The following C1orf21 variants were observed in gnomAD, a reference collection of about 807,000 sequenced individuals.
C1orf21 encodes the protein uncharacterized protein C1orf21.
A neutral mutation model predicts 18.7 loss-of-function variants in C1orf21; 3 were observed. The ratio of observed to expected loss-of-function variants is 0.16; its 90% CI spans 0.07 to 0.42. C1orf21 has a LOEUF of 0.42. Among genes scored for constraint, C1orf21 ranks in the 10% least tolerant of loss-of-function variants. C1orf21 has a pLI of 0.99. For missense variants in C1orf21, 104 were observed against 143.6 expected, an observed-to-expected ratio of 0.72 and a Z score of 1.41; for synonymous variants, 41 against 46.4, an observed-to-expected ratio of 0.88 and a Z score of 0.47.
chr1:184,552,103 A>G (rs192609852), intron 3 of C1orf21, among the ~76,000 whole-genome samples: 2 of 152,360 alleles, frequency 1.3e-5, no homozygotes, highest in Admixed American at 6.5e-5. Flanking sequence ...AAAGATAAAT[A>G]CTGCCCAGGA....
At chr1:184,608,758 C>T (rs1306340803) in intron 5 of C1orf21, among the ~76,000 whole-genome samples, 1 of 152,184 alleles carries the variant, frequency 6.6e-6, no homozygotes, top group Non-Finnish European at 1.5e-5. Context: ...AAGCCTCAGG[C>T]TCCATAATAA....
At chr1:184,416,179 A>G (rs1003235749) in intron 1 of C1orf21, among the ~76,000 whole-genome samples, 4 of 152,092 alleles carry the variant, frequency 2.6e-5, no homozygotes, top group African/African-American at 9.7e-5. Flanking sequence ...TTGCTCCATA[A>G]ATGTTTTTTT....
intron 3 of C1orf21, among the ~76,000 whole-genome samples, chr1:184,583,190 A>T (rs79088870): frequency 6.6e-6 from 1 of 152,100 alleles, no homozygotes; most frequent in Non-Finnish European, 1.5e-5. Context: ...CCTTTGGGAG[A>T]TATCAAAGGG....
intron 1 of C1orf21, among the ~76,000 whole-genome samples, chr1:184,444,518 GTGGAACTGTTAAGTCCAATTAAACCTCT>G (rs1401170864): frequency 6.6e-6 from 1 of 152,074 alleles, no homozygotes; most frequent in South Asian, 2.1e-4. Flanking sequence ...CCCCAGCCAT[GTGGAACTGTTAAGTCCAATTAAACCTCT>G]TTTTCTTCCC....
intron 3 of C1orf21, among the ~76,000 whole-genome samples, chr1:184,580,618 G>A (rs1461746839): frequency 6.6e-6 from 1 of 152,178 alleles, no homozygotes; most frequent in Non-Finnish European, 1.5e-5. Context: ...CTTGTAACCT[G>A]CTGATTTCTT....
intron 1 of C1orf21, among the ~76,000 whole-genome samples, chr1:184,409,720 A>G (rs1656303686): frequency 6.7e-6 from 1 of 150,088 alleles, no homozygotes; most frequent in Non-Finnish European, 1.5e-5. Context: ...AAATGTTATC[A>G]TGACTCCAGG....
chr1:184,561,444 T>TG (rs1441391340), intron 3 of C1orf21, among the ~76,000 whole-genome samples: 1 of 152,222 alleles, frequency 6.6e-6, no homozygotes, highest in African/African-American at 2.4e-5. Context: ...AGCCAAGACC[T>TG]GGCATTTTAG....
At chr1:184,509,636 A>G (rs1658114755) in intron 3 of C1orf21, among the ~76,000 whole-genome samples, 1 of 152,198 alleles carries the variant, frequency 6.6e-6, no homozygotes, top group Non-Finnish European at 1.5e-5. Context: ...AAAAATACCA[A>G]TAGCCTCCTA....
At chr1:184,417,031 A>G (rs1656463791) in intron 1 of C1orf21, among the ~76,000 whole-genome samples, 1 of 152,202 alleles carries the variant, frequency 6.6e-6, no homozygotes, top group Non-Finnish European at 1.5e-5. Flanking sequence ...GGTATTGCCT[A>G]TGATTCCTTC....
At chr1:184,439,197 C>G (rs936880640) in intron 1 of C1orf21, among the ~76,000 whole-genome samples, 7 of 152,024 alleles carry the variant, frequency 4.6e-5, no homozygotes, top group African/African-American at 1.4e-4. Flanking sequence ...GGTGACAGAG[C>G]AAGACTCTGT....
At chr1:184,551,274 A>G (rs1222814414) in intron 3 of C1orf21, among the ~76,000 whole-genome samples, 1 of 152,218 alleles carries the variant, frequency 6.6e-6, no homozygotes, top group Non-Finnish European at 1.5e-5. Context: ...GGAGAAAAAA[A>G]TGACTACCTA....
intron 3 of C1orf21, among the ~76,000 whole-genome samples, chr1:184,578,558 C>T (rs1441958619): frequency 2.0e-5 from 3 of 152,112 alleles, no homozygotes; most frequent in African/African-American, 7.2e-5. Context: ...TAATCAAGTA[C>T]TTTTAGTTTG....
chr1:184,506,102 T>A (rs993125232), intron 2 of C1orf21, among the ~76,000 whole-genome samples: 14 of 152,226 alleles, frequency 9.2e-5, no homozygotes, highest in African/African-American at 3.1e-4. Flanking sequence ...AACTTGTTAA[T>A]ATATTTAGGA....
chr1:184,427,807 T>C (rs1170516472), intron 1 of C1orf21, among the ~76,000 whole-genome samples: 1 of 152,164 alleles, frequency 6.6e-6, no homozygotes, highest in Non-Finnish European at 1.5e-5. Context: ...GTTATCTTTC[T>C]TCTCCTCCCA....
chr1:184,518,934 G>A (rs1486364191), intron 3 of C1orf21, among the ~76,000 whole-genome samples: 2 of 152,048 alleles, frequency 1.3e-5, no homozygotes, highest in Non-Finnish European at 2.9e-5. Context: ...AGAAGGAATA[G>A]TGTCACCCCG....
chr1:184,590,633 T>C lies in C1orf21; in HGVS notation c.190-106T>C, dbSNP rs571876747. On this transcript the variant is annotated intron_variant, in intron 3 of 5. Transcript: ENST00000235307. ...GCCCTTGTGAGGTAACCAGCCGTAGTATAGGGCCCCAAACAGATTGAACGT... is the reference window on the plus strand; with the variant it reads ...GCCCTTGTGAGGTAACCAGCCGTAGCATAGGGCCCCAAACAGATTGAACGT... 2.7e-6 allele frequency: 3 copies of C among 1,107,564 alleles called. No individual in the cohort carries two copies. The East Asian group carries it at 7.2e-5, about 27-fold the overall frequency. 68.6% of individuals were successfully genotyped at this position (1,107,564 alleles called of 1,614,324 possible).
At chr1:184,561,424 G>A (rs1322767728) in intron 3 of C1orf21, among the ~76,000 whole-genome samples, 1 of 152,174 alleles carries the variant, frequency 6.6e-6, no homozygotes, top group Non-Finnish European at 1.5e-5. Flanking sequence ...TGCTGTCAGT[G>A]ATGAGATAAA....
chr1:184,507,779 A>G (rs1658086124), intron 3 of C1orf21, 97 bp downstream of exon 3: 1 of 941,054 alleles, frequency 1.1e-6, no homozygotes, highest in Non-Finnish European at 1.5e-6. Context: ...ACACTGGCAC[A>G]AGATTTCTTG....
intron 3 of C1orf21, among the ~76,000 whole-genome samples, chr1:184,538,006 A>T (rs1658586470): frequency 6.6e-6 from 1 of 152,136 alleles, no homozygotes; most frequent in Admixed American, 6.5e-5. Flanking sequence ...ACCATATGGA[A>T]GTTTGATTTT....
Sources: allele counts gnomAD v4.1 joint callset (sites outside exome capture counted in the v4.1 genomes callset), GRCh38; gene constraint gnomAD v4.1.1; transcripts MANE v1.5; gene names NCBI Gene and HGNC (gene_info 2026-07-23, HGNC 2026-07-21).